The following GUCY1A2 variants were observed in gnomAD, a reference collection of about 807,000 sequenced individuals.
GUCY1A2 encodes the protein guanylate cyclase 1 soluble subunit alpha 2.
A neutral mutation model predicts 63.5 loss-of-function variants in GUCY1A2; 27 were observed. That is an observed-to-expected ratio of 0.43 (90% CI 0.31 to 0.59). The LOEUF (loss-of-function observed/expected upper bound fraction) is 0.59, where lower values mean the gene tolerates loss of function less well. GUCY1A2 is among the 20% of genes least tolerant of loss of function. The pLI is 0.11. For synonymous variants in GUCY1A2, 364 were observed against 343.5 expected (o/e 1.06, Z -0.66); for missense variants, 768 against 913.3 (o/e 0.84, Z 2.05).
chr11:106,924,636 A>G (rs377471023), intron 4 of GUCY1A2, among the ~76,000 whole-genome samples: 1 of 152,144 alleles, frequency 6.6e-6, no homozygotes, highest in Non-Finnish European at 1.5e-5. Flanking sequence ...TCTACCTCAC[A>G]TATTTGCAAC....
At chr11:106,815,058 T>C (rs1234627932) in intron 4 of GUCY1A2, among the ~76,000 whole-genome samples, 1 of 152,030 alleles carries the variant, frequency 6.6e-6, no homozygotes, top group Non-Finnish European at 1.5e-5. Flanking sequence ...TTTAAATGAA[T>C]TTTAAAACAC....
intron 2 of GUCY1A2, among the ~76,000 whole-genome samples, chr11:106,983,433 T>C (rs1861363027): frequency 6.6e-6 from 1 of 152,206 alleles, no homozygotes; most frequent in Non-Finnish European, 1.5e-5. Flanking sequence ...TCCTTCTGTC[T>C]GTGACCCTTC....
At chr11:106,702,421 T>C (rs1256176798) in intron 7 of GUCY1A2, among the ~76,000 whole-genome samples, 1 of 152,150 alleles carries the variant, frequency 6.6e-6, no homozygotes. Flanking sequence ...TTGAGTTTTG[T>C]AAGAGATGAT....
chr11:107,007,001 C>T (rs1861679742), intron 1 of GUCY1A2, among the ~76,000 whole-genome samples: 1 of 152,158 alleles, frequency 6.6e-6, no homozygotes, highest in Non-Finnish European at 1.5e-5. Context: ...TCCAACACAA[C>T]CTGAAATGTT....
At chr11:106,808,427 A>G (rs1395587730) in intron 5 of GUCY1A2, among the ~76,000 whole-genome samples, 1 of 152,138 alleles carries the variant, frequency 6.6e-6, no homozygotes, top group Non-Finnish European at 1.5e-5. Context: ...CTAACTCACA[A>G]GGGAATGAAT....
intron 3 of GUCY1A2, among the ~76,000 whole-genome samples, chr11:106,957,509 A>ACCG (rs1286997342): frequency 1.3e-5 from 2 of 151,344 alleles, no homozygotes; most frequent in Non-Finnish European, 2.9e-5. Context: ...CTCACTCACC[A>ACCG]CCGCCTCCTT....
chr11:106,723,812 G>A (rs1332227208), intron 6 of GUCY1A2, among the ~76,000 whole-genome samples: 1 of 151,128 alleles, frequency 6.6e-6, no homozygotes, highest in African/African-American at 2.4e-5. Context: ...CAACAAGAGC[G>A]AAACTCCATC....
intron 1 of GUCY1A2, among the ~76,000 whole-genome samples, chr11:106,991,954 G>A (rs1290345888): frequency 6.6e-6 from 1 of 152,186 alleles, no homozygotes; most frequent in Admixed American, 6.5e-5. Flanking sequence ...ACCACATGAG[G>A]TAGGTGTTAT....
intron 4 of GUCY1A2, among the ~76,000 whole-genome samples, chr11:106,867,909 A>C (rs530804874): frequency 2.0e-5 from 3 of 151,996 alleles, no homozygotes; most frequent in Non-Finnish European, 4.4e-5. Context: ...CTGCATATGG[A>C]ATGACATTTG....
At chr11:106,690,934 G>A (rs1275052621) in intron 7 of GUCY1A2, among the ~76,000 whole-genome samples, 2 of 152,122 alleles carry the variant, frequency 1.3e-5, no homozygotes, top group Non-Finnish European at 2.9e-5. Flanking sequence ...AATAAGAATG[G>A]AAGTCATCAG....
chr11:106,840,368 T>C (rs776289764), intron 4 of GUCY1A2, among the ~76,000 whole-genome samples: 41 of 152,084 alleles, frequency 2.7e-4, no homozygotes, highest in Non-Finnish European at 4.7e-4. Flanking sequence ...TGACAATACA[T>C]GTTTGTATGA....
intron 4 of GUCY1A2, among the ~76,000 whole-genome samples, chr11:106,922,701 A>G (rs1410965843): frequency 7.6e-6 from 1 of 132,200 alleles, no homozygotes. Context: ...ATATATATAT[A>G]TATATATATA....
In GUCY1A2 at chr11:106,684,388, C is replaced by A; in HGVS notation, c.*3161G>T. 5.2e-6 allele frequency: 1 copy of A among 191,930 alleles called. No homozygotes were observed. Among genetic ancestry groups the A allele is most frequent in the Non-Finnish European group, 1.1e-5 (1 of 91,728 alleles). 11.9% of individuals were successfully genotyped at this position (191,930 alleles called of 1,614,324 possible). On this transcript the variant is annotated 3_prime_UTR_variant, in exon 8 of 8. Coordinates refer to ENST00000526355, the MANE Select transcript of GUCY1A2 (RefSeq NM_000855.3). ...GGAAGCTATGTCTTCTTCCCCTTCT[C>A]TACGTTATATAGACAAGAGATCCAA...
chr11:107,008,278 C>CAAAAAA (rs60060457), intron 1 of GUCY1A2, among the ~76,000 whole-genome samples: 5 of 95,466 alleles, frequency 5.2e-5, no homozygotes, highest in African/African-American at 1.4e-4. Flanking sequence ...GACTCCATCT[C>CAAAAAA]AAAAAAAAAA....
At chr11:106,764,970 T>TTG (rs148342255) in intron 6 of GUCY1A2, among the ~76,000 whole-genome samples, 968 of 92,390 alleles carry the variant, frequency 0.01, 15 homozygotes, top group African/African-American at 0.026. Context: ...CAGATTTTTT[T>TTG]GGGGGGGGGT....
intron 1 of GUCY1A2, 38 bp downstream of exon 1, chr11:107,017,715 T>TC: frequency 2.4e-6 from 3 of 1,226,706 alleles, no homozygotes; most frequent in South Asian, 1.9e-5. Flanking sequence ...CCGCGTTCTC[T>TC]CCCCCGAAGG....
chr11:106,845,684 C>CCTTA (rs1859261060), intron 4 of GUCY1A2, among the ~76,000 whole-genome samples: 1 of 151,324 alleles, frequency 6.6e-6, no homozygotes. Flanking sequence ...GGGACAGCTA[C>CCTTA]CTTAATGAGG....
chr11:106,976,744 A>G (rs771084763), intron 3 of GUCY1A2, among the ~76,000 whole-genome samples: 6 of 152,034 alleles, frequency 3.9e-5, no homozygotes, highest in Non-Finnish European at 7.3e-5. Flanking sequence ...TTTTGTAGAA[A>G]AAGTTACTAT....
intron 6 of GUCY1A2, among the ~76,000 whole-genome samples, chr11:106,751,016 G>A (rs1863873645): frequency 6.6e-6 from 1 of 151,922 alleles, no homozygotes; most frequent in Admixed American, 6.6e-5. Flanking sequence ...GATGATGCCT[G>A]GTTAATTCTA....
Sources: gnomAD v4.1 joint callset for allele counts (sites outside exome capture counted in the v4.1 genomes callset) on GRCh38, gnomAD v4.1.1 for gene constraint, MANE v1.5 for transcripts, NCBI Gene and HGNC (gene_info 2026-07-23, HGNC 2026-07-21) for gene names.